Variants in ZNF93 observed in about 807,000 individuals in gnomAD.
ZNF93 encodes zinc finger protein 505.
ZNF93 carries 29 observed loss-of-function variants against 45.0 expected under a neutral mutation model. The observed-to-expected ratio is 0.64, with a 90% confidence interval of 0.48 to 0.88. The LOEUF is 0.88. Among genes scored for constraint, ZNF93 ranks in the 40% least tolerant of loss-of-function variants. The pLI, the probability that ZNF93 is intolerant of heterozygous loss-of-function variation, is 0.00. For missense variants in ZNF93, 578 were observed against 724.0 expected (o/e 0.80, Z 2.31); for synonymous variants, 223 against 244.6 (o/e 0.91, Z 0.82).
intron 3 of ZNF93, among the ~76,000 whole-genome samples, chr19:19,923,938 C>T (rs116398591): frequency 5.2e-4 from 79 of 152,246 alleles, no homozygotes; most frequent in African/African-American, 1.8e-3. Flanking sequence ...ACCCCTTGTC[C>T]GACAATTCCC....
In ZNF93 at chr19:19,933,367, A is replaced by T. The variant is rs1341532388; in HGVS notation, c.412A>T (p.Thr138Ser). ...GGYNGLNQCS[T>S]TTQSKVFQCD... ...TTATAATGGACTTAACCAGTGTAGT[A>T]CAACTACCCAGAGCAAAGTATTTCA... is the stretch of plus-strand genomic sequence containing the variant. Residue 138 changes from threonine (T) to serine (S), a missense_variant, in exon 4 of 4, where the codon ACA (threonine) becomes TCA (serine). Transcript: ENST00000343769. The T allele has an allele frequency of 6.2e-7, 1 of 1,605,074 alleles. No individual in the cohort carries two copies. The highest frequency in any genetic ancestry group is 8.5e-7 in the Non-Finnish European group (1 of 1,176,918).
chr19:19,902,852 T>C (rs2063278667), intron 1 of ZNF93, among the ~76,000 whole-genome samples: 1 of 151,588 alleles, frequency 6.6e-6, no homozygotes, highest in Non-Finnish European at 1.5e-5. Context: ...TTCTCCTGCC[T>C]GAGCCTCCCG....
At chr19:19,931,010 G>T (rs2063372482) in intron 3 of ZNF93, among the ~76,000 whole-genome samples, 1 of 151,568 alleles carries the variant, frequency 6.6e-6, no homozygotes, top group Non-Finnish European at 1.5e-5. Context: ...TATTTTCATG[G>T]AATATACATT....
intron 3 of ZNF93, among the ~76,000 whole-genome samples, chr19:19,928,458 T>A (rs1250298049): frequency 6.6e-6 from 1 of 152,252 alleles, no homozygotes; most frequent in Non-Finnish European, 1.5e-5. Flanking sequence ...TGACTTTTGC[T>A]TTTTAATTTC....
chr19:19,915,798 T>C (rs10408752), intron 2 of ZNF93, among the ~76,000 whole-genome samples: 66,164 of 152,002 alleles, frequency 0.44, 19,344 homozygotes, highest in African/African-American at 0.82. Flanking sequence ...GCCGAGATCG[T>C]GCCGTTGCAC....
intron 1 of ZNF93, among the ~76,000 whole-genome samples, chr19:19,912,619 A>G (rs1317299089): frequency 2.0e-5 from 3 of 151,296 alleles, no homozygotes; most frequent in Non-Finnish European, 2.9e-5. Context: ...GTAAATATAA[A>G]CAGAATGAAA....
intron 3 of ZNF93, among the ~76,000 whole-genome samples, chr19:19,918,231 G>A (rs2063330772): frequency 6.6e-6 from 1 of 151,936 alleles, no homozygotes; most frequent in South Asian, 2.1e-4. Flanking sequence ...ATAGTTTGCT[G>A]AGAATGATGG....
chr19:19,902,465 T>C (rs1344447957), intron 1 of ZNF93, among the ~76,000 whole-genome samples: 1 of 151,802 alleles, frequency 6.6e-6, no homozygotes, highest in African/African-American at 2.4e-5. Context: ...TCCATGTTGG[T>C]CAGGCTGGTC....
At chr19:19,904,018 C>G (rs1023041961) in intron 1 of ZNF93, among the ~76,000 whole-genome samples, 1 of 149,714 alleles carries the variant, frequency 6.7e-6, no homozygotes, top group Non-Finnish European at 1.5e-5. Context: ...GAGATTGCGC[C>G]GCTGCACTCC....
rs372107942 is a variant in ZNF93, at chr19:19,905,719, A to G, written c.3+4628A>G. Among the ~76,000 whole-genome samples the G allele has an allele frequency of 1.3e-4, 20 of 151,972 alleles. No homozygotes were observed. The East Asian group carries it at 3.5e-3, about 26-fold the overall frequency. On this transcript the variant is annotated intron_variant, in intron 1 of 3. Coordinates refer to ENST00000343769, the MANE Select transcript of ZNF93 (RefSeq NM_031218.4). ...AATTCTCTCCTACCTCATCCTCCCA[A>G]GTAGCTGAAACTACACATATGCATT...
intron 3 of ZNF93, among the ~76,000 whole-genome samples, chr19:19,919,543 C>G (rs2063336617): frequency 6.6e-6 from 1 of 152,078 alleles, no homozygotes; most frequent in Admixed American, 6.5e-5. Context: ...TTACCTTGGG[C>G]AGTATGGCCA....
chr19:19,926,984 G>A, intron 3 of ZNF93: 1 of 393,308 alleles, frequency 2.5e-6, no homozygotes. Flanking sequence ...ACACTTTTGT[G>A]ATTTGAAGGT....
intron 1 of ZNF93, among the ~76,000 whole-genome samples, chr19:19,910,068 G>A (rs1271950742): frequency 6.8e-6 from 1 of 148,070 alleles, no homozygotes; most frequent in African/African-American, 2.4e-5. Context: ...ACATGTGTGT[G>A]CTGAGTAGAC....
intron 3 of ZNF93, among the ~76,000 whole-genome samples, chr19:19,922,412 T>C (rs2122183810): frequency 6.6e-6 from 1 of 152,304 alleles, no homozygotes; most frequent in African/African-American, 2.4e-5. Flanking sequence ...GACAATTATG[T>C]GTCTTGGAGT....
intron 1 of ZNF93, among the ~76,000 whole-genome samples, chr19:19,904,042 G>C (rs2063285177): frequency 6.9e-6 from 1 of 145,824 alleles, no homozygotes; most frequent in Non-Finnish European, 1.5e-5. Context: ...CTGGGCAACA[G>C]AGCGAGATTC....
chr19:19,902,561 A>C (rs564024973), intron 1 of ZNF93, among the ~76,000 whole-genome samples: 1 of 151,324 alleles, frequency 6.6e-6, no homozygotes, highest in South Asian at 2.1e-4. Context: ...CCCAGCCAAC[A>C]GGAGTTTATA....
chr19:19,920,867 T>G (rs143938854), intron 3 of ZNF93, among the ~76,000 whole-genome samples: 4,999 of 152,272 alleles, frequency 0.033, 203 homozygotes, highest in African/African-American at 0.1. Context: ...GGTCTATCAA[T>G]TTGGTTGATC....
chr19:19,922,795 C>A (rs1453704035), intron 3 of ZNF93, among the ~76,000 whole-genome samples: 1 of 152,176 alleles, frequency 6.6e-6, no homozygotes, highest in Non-Finnish European at 1.5e-5. Flanking sequence ...CCATCAGGTC[C>A]TTTAAGGACT....
At chr19:19,901,321 A>T (rs2063270045) in intron 1 of ZNF93, among the ~76,000 whole-genome samples, 1 of 152,070 alleles carries the variant, frequency 6.6e-6, no homozygotes, top group African/African-American at 2.4e-5. Context: ...CCTGGCTTGG[A>T]GCCCTCGCTG....
Sources: gnomAD v4.1 joint callset for allele counts (sites outside exome capture counted in the v4.1 genomes callset) on GRCh38, gnomAD v4.1.1 for gene constraint, MANE v1.5 for transcripts, NCBI Gene and HGNC (gene_info 2026-07-23, HGNC 2026-07-21) for gene names.